The following ENOX2 variants were observed in gnomAD, a reference collection of about 807,000 sequenced individuals.
ENOX2 encodes the protein APK1 antigen.
A neutral mutation model predicts 45.0 loss-of-function variants in ENOX2; 36 were observed. The observed-to-expected ratio is 0.80, with a 90% CI of 0.61 to 1.06. The LOEUF (loss-of-function observed/expected upper bound fraction) is 1.06. ENOX2 is among the 50% of genes least tolerant of loss of function. The probability of loss-of-function intolerance (pLI) is 0.00; values close to 1 mark genes in which losing one functional copy is unlikely to be tolerated. For synonymous variants in ENOX2, 174 were observed against 152.3 expected, an observed-to-expected ratio of 1.14 and a Z score of -1.05; for missense variants, 423 against 462.5, an observed-to-expected ratio of 0.91 and a Z score of 0.78.
intron 9 of ENOX2, among the ~76,000 whole-genome samples, chrX:130,658,185 C>T (rs752172601): frequency 9.0e-6 from 1 of 111,634 alleles, no homozygotes; most frequent in South Asian, 3.7e-4. Flanking sequence ...ATAATAGCTG[C>T]TTTATAATCT....
chrX:130,893,425 C>T (rs1380090480), intron 2 of ENOX2, among the ~76,000 whole-genome samples: 1 of 112,456 alleles, frequency 8.9e-6, no homozygotes, highest in Non-Finnish European at 1.9e-5. Context: ...GTAAAAAATA[C>T]AGCCCCTGAG....
At chrX:130,644,810 C>T (rs1678322188) in intron 10 of ENOX2, among the ~76,000 whole-genome samples, 1 of 111,498 alleles carries the variant, frequency 9.0e-6, no homozygotes, top group South Asian at 3.8e-4. Context: ...TATGATATTA[C>T]AGTGATGGAT....
intron 2 of ENOX2, among the ~76,000 whole-genome samples, chrX:130,896,452 TTC>T (rs927982884): frequency 7.2e-5 from 8 of 111,672 alleles, no homozygotes; most frequent in Non-Finnish European, 1.5e-4. Flanking sequence ...TGTTAAAATT[TTC>T]TCTTTTATTT....
At chrX:130,733,328 C>G (rs941394167) in intron 3 of ENOX2, among the ~76,000 whole-genome samples, 2 of 107,729 alleles carry the variant, frequency 1.9e-5, no homozygotes, top group East Asian at 5.7e-4. Flanking sequence ...AATGAGAGAT[C>G]AATATATACC....
intron 2 of ENOX2, 53 bp from the exon 3 acceptor site, chrX:130,783,743 T>C (rs1322417105): frequency 4.2e-6 from 1 of 236,553 alleles, no homozygotes; most frequent in Non-Finnish European, 7.8e-6. Context: ...ACTGGGATTG[T>C]CTCCAGATTT....
intron 2 of ENOX2, among the ~76,000 whole-genome samples, chrX:130,824,564 T>A (rs1446707082): frequency 8.9e-6 from 1 of 111,859 alleles, no homozygotes; most frequent in Non-Finnish European, 1.9e-5. Context: ...TATATTTTAT[T>A]CCAGTAAAAT....
rs1419845536 is a variant in ENOX2, at chrX:130,632,367, G to C, written c.1420-791C>G. 1.5e-4 allele frequency among the ~76,000 whole-genome samples: 7 copies of C among 46,511 alleles called. 1 individual carries two copies. Among genetic ancestry groups the C allele is most frequent in the African/African-American group, 5.4e-4 (7 of 13,058 alleles). 40.4% of individuals were successfully genotyped at this position (46,511 alleles called of 115,157 possible). ...TTCAGAATGTAGCAGGAAGGGGCGGGGGGGGGGGGTGGTCCTAAGAGAAAC... is the reference window on the plus strand; with the variant it reads ...TTCAGAATGTAGCAGGAAGGGGCGGCGGGGGGGGGTGGTCCTAAGAGAAAC... On this transcript the variant is annotated intron_variant, in intron 12 of 14. Transcript: ENST00000394363.
At chrX:130,720,345 C>T (rs889296234) in intron 3 of ENOX2, among the ~76,000 whole-genome samples, 2 of 112,261 alleles carry the variant, frequency 1.8e-5, no homozygotes, top group African/African-American at 6.5e-5. Context: ...CAGAGGCAGC[C>T]CTCCTGGCCC....
At chrX:130,717,947 C>CA (rs1307815874) in intron 3 of ENOX2, among the ~76,000 whole-genome samples, 1 of 111,883 alleles carries the variant, frequency 8.9e-6, no homozygotes, top group African/African-American at 3.2e-5. Flanking sequence ...ACCGTCTCTT[C>CA]AAAAATGTTT....
intron 13 of ENOX2, among the ~76,000 whole-genome samples, chrX:130,631,127 C>A (rs1056204204): frequency 9.0e-6 from 1 of 110,836 alleles, no homozygotes; most frequent in Non-Finnish European, 1.9e-5. Context: ...TCTGCGCTAG[C>A]CCCCTGAGTG....
chrX:130,871,173 T>C (rs1247062567), intron 2 of ENOX2, among the ~76,000 whole-genome samples: 2 of 111,542 alleles, frequency 1.8e-5, no homozygotes, highest in African/African-American at 6.5e-5. Context: ...AACATATGCA[T>C]CATAGTATCT....
At chrX:130,847,098 C>A (rs1028099877) in intron 2 of ENOX2, among the ~76,000 whole-genome samples, 6 of 111,085 alleles carry the variant, frequency 5.4e-5, no homozygotes, top group Non-Finnish European at 1.1e-4. Context: ...TGTGTTTTCA[C>A]GTTTGTGTTA....
Position 130,670,152 on chromosome X carries a change from G to A in ENOX2, c.507C>T (p.Gly169=). The change falls in exon 7 of 15, where the codon GGC becomes GGT. Residue 169 remains glycine, a synonymous_variant. Transcript: ENST00000394363. ...CCTGTGCGAAATCAACGTGGAGTCT[G>A]CCTGTGTCCTTCTTGTCAGTACTAG... ...LGSSTDKKDT[G]RLHVDFAQAR... is the part of the protein sequence containing the mutation. The A allele has an allele frequency of 8.3e-7, 1 of 1,211,279 alleles. No individual in the cohort carries two copies. The highest frequency in any genetic ancestry group is 1.1e-6 in the Non-Finnish European group (1 of 895,177).
chrX:130,802,670 G>C (rs1321573313), intron 2 of ENOX2, among the ~76,000 whole-genome samples: 1 of 111,716 alleles, frequency 9.0e-6, no homozygotes, highest in Non-Finnish European at 1.9e-5. Flanking sequence ...CAGGGATCAG[G>C]CTTCTCTATT....
chrX:130,853,553 A>C (rs2078258301), intron 2 of ENOX2, among the ~76,000 whole-genome samples: 1 of 110,075 alleles, frequency 9.1e-6, no homozygotes, highest in Non-Finnish European at 1.9e-5. Context: ...AGAAAACTTA[A>C]ACAATAGCCA....
rs187003576 is a variant in ENOX2 at position 130,643,089 on chromosome X, G to A, written c.1130-5679C>T. Among the ~76,000 whole-genome samples, 10 of 111,305 alleles carry A rather than the reference G, an allele frequency of 9.0e-5. No homozygotes were observed. The East Asian group carries it at 2.5e-3, about 28-fold the overall frequency. On this transcript the variant is annotated intron_variant, in intron 10 of 14. Transcript: ENST00000394363. The stretch of plus-strand genomic sequence containing the variant: ...AGCATTTTGCTATTATAAGATACTT[G>A]CAGTACCCATGAAATGGTATAGTGT...
chrX:130,687,369 A>G (rs2037475661), intron 5 of ENOX2, among the ~76,000 whole-genome samples: 1 of 112,612 alleles, frequency 8.9e-6, no homozygotes, highest in South Asian at 3.7e-4. Context: ...TTTCATAAGC[A>G]GGAGGTTTTA....
intron 2 of ENOX2, among the ~76,000 whole-genome samples, chrX:130,886,326 G>C (rs1158904111): frequency 1.8e-5 from 2 of 112,704 alleles, no homozygotes; most frequent in Admixed American, 9.4e-5. Flanking sequence ...AGCAACAATG[G>C]AGATGAAAGT....
At chrX:130,883,812 A>T (rs1440398899) in intron 2 of ENOX2, among the ~76,000 whole-genome samples, 1 of 111,871 alleles carries the variant, frequency 8.9e-6, no homozygotes, top group East Asian at 2.8e-4. Context: ...CTGAACAACC[A>T]GAACCTACAA....
Sources: allele counts gnomAD v4.1 joint callset (sites outside exome capture counted in the v4.1 genomes callset), GRCh38; gene constraint gnomAD v4.1.1; transcripts MANE v1.5; gene names NCBI Gene and HGNC (gene_info 2026-07-23, HGNC 2026-07-21).